SH3PXD2A: variants seen among roughly 807,000 people sequenced by gnomAD.
SH3PXD2A encodes SH3 and PX domain-containing protein 2A.
A neutral mutation model predicts 115.2 loss-of-function variants in SH3PXD2A; 32 were observed. The observed-to-expected ratio is 0.28, with a 90% CI of 0.21 to 0.37. The LOEUF (loss-of-function observed/expected upper bound fraction) is 0.37, where lower values mean the gene tolerates loss of function less well. SH3PXD2A is among the 10% of genes least tolerant of loss of function. The pLI is 1.00. For synonymous variants in SH3PXD2A, 610 were observed against 629.1 expected (o/e 0.97, Z 0.45); for missense variants, 1,328 against 1,498.7 (o/e 0.89, Z 1.88).
chr10:103,596,628 T>TACAC lies in SH3PXD2A; in HGVS notation c.*5184_*5187dup, dbSNP rs2036135875. 1 of 85,502 alleles carries TACAC rather than the reference T, an allele frequency of 1.2e-5. No homozygotes were observed. The highest frequency in any genetic ancestry group is 4.9e-5 in the African/African-American group (1 of 20,542). The allele number at this position is 85,502 out of a possible 1,614,324, so 5.3% of individuals were successfully genotyped here. On this transcript the variant is annotated 3_prime_UTR_variant, in exon 15 of 15. Coordinates refer to ENST00000369774, the MANE Select transcript of SH3PXD2A (RefSeq NM_001394015.1). ...AAGTGGGAAGTTACCAACACTTGCA[T>TACAC]ACACAGACACACACACACACACACA... is the stretch of plus-strand genomic sequence containing the variant.
At chr10:103,769,081 T>G (rs1325332239) in intron 2 of SH3PXD2A, among the ~76,000 whole-genome samples, 2 of 151,432 alleles carry the variant, frequency 1.3e-5, no homozygotes. Context: ...AATTTCAACA[T>G]AAGACTTGGG....
At chr10:103,679,946 A>C (rs2037587459) in intron 6 of SH3PXD2A, among the ~76,000 whole-genome samples, 1 of 152,178 alleles carries the variant, frequency 6.6e-6, no homozygotes, top group Non-Finnish European at 1.5e-5. Context: ...AGGATGGTGA[A>C]GAGATGGCCA....
At chr10:103,737,798 A>G (rs2038396854) in intron 3 of SH3PXD2A, among the ~76,000 whole-genome samples, 1 of 152,218 alleles carries the variant, frequency 6.6e-6, no homozygotes, top group African/African-American at 2.4e-5. Flanking sequence ...GTGAACAGAC[A>G]GGGGACCCAG....
chr10:103,735,842 G>A (rs1198554433), intron 3 of SH3PXD2A, 34 bp from the exon 4 acceptor site: 2 of 1,557,890 alleles, frequency 1.3e-6, no homozygotes, highest in African/African-American at 1.4e-5. Context: ...GGGGGATTCT[G>A]GCTAAAACTG....
chr10:103,794,898 C>A (rs532841303), intron 2 of SH3PXD2A, among the ~76,000 whole-genome samples: 1 of 152,300 alleles, frequency 6.6e-6, no homozygotes, highest in South Asian at 2.1e-4. Flanking sequence ...AGCTGAAAAG[C>A]CCTAAGGATG....
At chr10:103,803,500 G>A (rs2039167090) in intron 1 of SH3PXD2A, among the ~76,000 whole-genome samples, 1 of 152,136 alleles carries the variant, frequency 6.6e-6, no homozygotes, top group Non-Finnish European at 1.5e-5. Context: ...AGCCCAATAA[G>A]GTAGCTACCA....
chr10:103,690,518 C>T (rs1368256426), intron 6 of SH3PXD2A, among the ~76,000 whole-genome samples: 1 of 152,194 alleles, frequency 6.6e-6, no homozygotes, highest in South Asian at 2.1e-4. Context: ...GGCAGAACTC[C>T]TCCTTGCTGA....
intron 3 of SH3PXD2A, among the ~76,000 whole-genome samples, chr10:103,764,434 C>T (rs2038732887): frequency 6.6e-6 from 1 of 150,866 alleles, no homozygotes. Flanking sequence ...GAAAAGAAGC[C>T]AAACCAGGAA....
intron 8 of SH3PXD2A, among the ~76,000 whole-genome samples, chr10:103,640,640 C>T (rs975462365): frequency 3.9e-5 from 6 of 152,292 alleles, no homozygotes; most frequent in South Asian, 4.1e-4. Context: ...AAATGGGCAA[C>T]GGTCCCAGCT....
chr10:103,750,674 A>G (rs1033893192), intron 3 of SH3PXD2A, among the ~76,000 whole-genome samples: 4 of 152,196 alleles, frequency 2.6e-5, no homozygotes, highest in South Asian at 4.1e-4. Flanking sequence ...GATGGTCCCC[A>G]TCCTACACAC....
intron 1 of SH3PXD2A, among the ~76,000 whole-genome samples, chr10:103,819,161 A>G (rs1027429725): frequency 6.6e-6 from 1 of 152,214 alleles, no homozygotes; most frequent in Non-Finnish European, 1.5e-5. Context: ...CTGGCAACAC[A>G]AAGTCAAATA....
At chr10:103,840,369 A>G (rs1392997604) in intron 1 of SH3PXD2A, among the ~76,000 whole-genome samples, 8 of 152,026 alleles carry the variant, frequency 5.3e-5, no homozygotes, top group Non-Finnish European at 1.2e-4. Flanking sequence ...TAAATGGCCC[A>G]GGAAGGCGGC....
chr10:103,751,842 AG>A (rs1214529335), intron 3 of SH3PXD2A, among the ~76,000 whole-genome samples: 146 of 152,346 alleles, frequency 9.6e-4, no homozygotes, highest in African/African-American at 3.3e-3. Flanking sequence ...AAGCATCCCA[AG>A]AGACACCAAA....
intron 8 of SH3PXD2A, among the ~76,000 whole-genome samples, chr10:103,637,262 A>T (rs1478681521): frequency 1.3e-5 from 2 of 152,190 alleles, no homozygotes; most frequent in Non-Finnish European, 2.9e-5. Context: ...GAGGATTTCA[A>T]GGCAGGATGA....
intron 8 of SH3PXD2A, among the ~76,000 whole-genome samples, chr10:103,642,479 C>A (rs1377028355): frequency 6.6e-6 from 1 of 152,164 alleles, no homozygotes; most frequent in East Asian, 1.9e-4. Flanking sequence ...CACCTAAGAT[C>A]CTCCCCTGTA....
intron 10 of SH3PXD2A, 100 bp from the exon 11 acceptor site, chr10:103,617,414 T>C: frequency 2.4e-6 from 2 of 829,528 alleles, no homozygotes; most frequent in South Asian, 3.1e-5. Flanking sequence ...GCTCAACTGC[T>C]TGCCAAGAAG....
intron 3 of SH3PXD2A, among the ~76,000 whole-genome samples, chr10:103,763,011 G>A (rs2038716976): frequency 6.6e-6 from 1 of 151,922 alleles, no homozygotes; most frequent in Admixed American, 6.6e-5. Context: ...GACCACAGGA[G>A]CCCCAGGCAC....
chr10:103,658,545 C>G (rs2037244408), intron 8 of SH3PXD2A, among the ~76,000 whole-genome samples: 2 of 152,210 alleles, frequency 1.3e-5, no homozygotes. Context: ...GCTTGGCCCT[C>G]TTCCTTTCTC....
intron 3 of SH3PXD2A, among the ~76,000 whole-genome samples, chr10:103,740,517 C>T (rs1221750186): frequency 6.6e-6 from 1 of 152,162 alleles, no homozygotes; most frequent in Non-Finnish European, 1.5e-5. Context: ...GTAGAATCAC[C>T]AGACACAGTA....
Sources: allele counts gnomAD v4.1 joint callset (sites outside exome capture counted in the v4.1 genomes callset), GRCh38; gene constraint gnomAD v4.1.1; transcripts MANE v1.5; gene names NCBI Gene and HGNC (gene_info 2026-07-23, HGNC 2026-07-21).